The following DGKB variants were observed in gnomAD, a reference collection of about 807,000 sequenced individuals.
DGKB encodes the protein 90 kDa diacylglycerol kinase.
Under a neutral mutation model 114.3 loss-of-function variants are expected in DGKB, and 67 were observed. That is an observed-to-expected ratio of 0.59 (90% confidence interval 0.48 to 0.72). The LOEUF is 0.72. Among genes scored for constraint, DGKB ranks in the 30% least tolerant of loss-of-function variants. The pLI is 0.00. For synonymous variants in DGKB, 398 were observed against 323.1 expected, an observed-to-expected ratio of 1.23 and a Z score of -2.49; for missense variants, 907 against 975.2, an observed-to-expected ratio of 0.93 and a Z score of 0.93.
intron 21 of DGKB, among the ~76,000 whole-genome samples, chr7:14,418,336 T>TATACAC (rs1554420999): frequency 1.2e-5 from 1 of 82,918 alleles, no homozygotes; most frequent in African/African-American, 3.7e-5. Flanking sequence ...TGTATATATA[T>TATACAC]ACACACACAT....
At chr7:14,372,010 G>T (rs888715773) in intron 21 of DGKB, among the ~76,000 whole-genome samples, 1 of 152,112 alleles carries the variant, frequency 6.6e-6, no homozygotes, top group African/African-American at 2.4e-5. Flanking sequence ...ATGGCCTCCT[G>T]CTCTTGGTCC....
chr7:14,655,523 C>T (rs551343233), intron 13 of DGKB, among the ~76,000 whole-genome samples: 1 of 151,768 alleles, frequency 6.6e-6, no homozygotes, highest in East Asian at 1.9e-4. Flanking sequence ...ATCCAGCAAT[C>T]CTGTTATTGG....
At chr7:14,661,743 G>T (rs1817129859) in intron 13 of DGKB, among the ~76,000 whole-genome samples, 1 of 151,488 alleles carries the variant, frequency 6.6e-6, no homozygotes, top group Non-Finnish European at 1.5e-5. Context: ...CTGCTATAAA[G>T]ACACATGCAC....
chr7:14,937,063 CACACACACACAT>C (rs545960056), intron 1 of DGKB, among the ~76,000 whole-genome samples: 2,197 of 148,670 alleles, frequency 0.015, 38 homozygotes, highest in African/African-American at 0.042. Flanking sequence ...CACACACACA[CACACACACACAT>C]CTTTTGTTAA....
chr7:14,941,484 A>G (rs1012215441), intron 1 of DGKB, among the ~76,000 whole-genome samples: 1 of 152,132 alleles, frequency 6.6e-6, no homozygotes, highest in Non-Finnish European at 1.5e-5. Context: ...GACTTTCAGC[A>G]TAATTAAATG....
At chr7:14,366,643 T>C (rs1015755799) in intron 21 of DGKB, among the ~76,000 whole-genome samples, 13 of 152,258 alleles carry the variant, frequency 8.5e-5, no homozygotes, top group African/African-American at 3.1e-4. Flanking sequence ...TGCAAATTAT[T>C]GCACCTGAAG....
intron 21 of DGKB, among the ~76,000 whole-genome samples, chr7:14,366,689 T>A (rs1377589811): frequency 1.3e-5 from 2 of 152,116 alleles, no homozygotes; most frequent in African/African-American, 4.8e-5. Context: ...ACACATAAGA[T>A]GAACTGAGAA....
At chr7:14,403,955 T>C (rs954271131) in intron 21 of DGKB, among the ~76,000 whole-genome samples, 1 of 151,816 alleles carries the variant, frequency 6.6e-6, no homozygotes, top group African/African-American at 2.4e-5. Context: ...TAAATAATTA[T>C]TATAATTCCT....
chr7:14,332,464 C>T (rs1430705082), intron 23 of DGKB, among the ~76,000 whole-genome samples: 1 of 152,196 alleles, frequency 6.6e-6, no homozygotes, highest in Admixed American at 6.5e-5. Flanking sequence ...GTGGTGAAAA[C>T]TGCAGCAGCT....
intron 5 of DGKB, among the ~76,000 whole-genome samples, chr7:14,724,350 T>C (rs1829704263): frequency 1.3e-5 from 2 of 152,322 alleles, no homozygotes; most frequent in Middle Eastern, 3.4e-3. Flanking sequence ...ATTATAATTA[T>C]CTTTCATTCT....
chr7:14,583,226 A>C, intron 17 of DGKB, 89 bp from the exon 18 acceptor site: 1 of 697,732 alleles, frequency 1.4e-6, no homozygotes, highest in Non-Finnish European at 2.3e-6. Context: ...ACCCGATGAA[A>C]TACGTTTTTA....
chr7:14,228,304 T>C (rs1239559517), intron 23 of DGKB, among the ~76,000 whole-genome samples: 2 of 152,042 alleles, frequency 1.3e-5, no homozygotes, highest in African/African-American at 4.8e-5. Context: ...AAAGACAAAG[T>C]TGTTGCTGGA....
At chr7:14,873,108 A>T (rs543568478) in intron 1 of DGKB, among the ~76,000 whole-genome samples, 2 of 152,112 alleles carry the variant, frequency 1.3e-5, no homozygotes, top group Non-Finnish European at 2.9e-5. Flanking sequence ...ATATTTTGTT[A>T]TCAAAAGGCA....
At chr7:14,589,654 C>G (rs970377857) in intron 17 of DGKB, among the ~76,000 whole-genome samples, 1 of 151,936 alleles carries the variant, frequency 6.6e-6, no homozygotes, top group Admixed American at 6.6e-5. Context: ...TGAGATTTGA[C>G]AAGGTCTCTG....
intron 25 of DGKB, among the ~76,000 whole-genome samples, chr7:14,171,579 T>C (rs1184449778): frequency 6.6e-6 from 1 of 152,140 alleles, no homozygotes; most frequent in Non-Finnish European, 1.5e-5. Flanking sequence ...ATACAGGAAA[T>C]AGAAGGATTA....
chr7:14,544,320 T>C (rs1323746344), intron 20 of DGKB, among the ~76,000 whole-genome samples: 1 of 152,214 alleles, frequency 6.6e-6, no homozygotes, highest in African/African-American at 2.4e-5. Context: ...TGAATTTCTC[T>C]GACATTTTGT....
chr7:14,534,320 G>GA (rs1792075991), intron 20 of DGKB, among the ~76,000 whole-genome samples: 2 of 151,842 alleles, frequency 1.3e-5, no homozygotes, highest in Middle Eastern at 6.8e-3. Context: ...AGACAAAGAG[G>GA]AAAAAATCAA....
rs187963746 is a variant in DGKB at position 14,379,799 on chromosome 7, C to G, written c.1836-34408G>C. Among the ~76,000 whole-genome samples the G allele has an allele frequency of 9.9e-4, 151 of 152,170 alleles. 1 individual carries two copies. The highest frequency in any genetic ancestry group is 1.8e-3 in the Non-Finnish European group (123 of 68,002). The stretch of plus-strand genomic sequence containing the variant: ...GGTCTTGATCTCCTGACCTCGTGAT[C>G]TGCCCGCCTCGGCCTCCCAAAGTGT... On this transcript the variant is annotated intron_variant, in intron 21 of 25. Coordinates refer to ENST00000402815, the MANE Select transcript of DGKB (RefSeq NM_001350709.2).
Position 14,812,467 on chromosome 7 carries a change from G to T in DGKB, c.70+28727C>A, listed in dbSNP as rs138791069. Among the ~76,000 whole-genome samples the T allele has an allele frequency of 3.8e-3, 579 of 152,074 alleles. 2 individuals are homozygous for T. The highest frequency in any genetic ancestry group is 0.013 in the African/African-American group (547 of 41,492). ...ATAGAACAGATACATTCACTCACGT[G>T]GACATTTAAATTTTTTCTGCCCCTT... On this transcript the variant is annotated intron_variant, in intron 2 of 25. Coordinates refer to ENST00000402815, the MANE Select transcript of DGKB (RefSeq NM_001350709.2).
Sources: allele counts gnomAD v4.1 joint callset (sites outside exome capture counted in the v4.1 genomes callset), GRCh38; gene constraint gnomAD v4.1.1; transcripts MANE v1.5; gene names NCBI Gene and HGNC (gene_info 2026-07-23, HGNC 2026-07-21).